TUSC3: variants seen among roughly 807,000 people sequenced by gnomAD.
TUSC3 encodes the protein dolichyl-diphosphooligosaccharide--protein glycosyltransferase subunit TUSC3.
In TUSC3, 45 loss-of-function variants were observed where a neutral mutation model predicts 44.8. The ratio of observed to expected loss-of-function variants is 1.00; its 90% confidence interval spans 0.79 to 1.29. The LOEUF (loss-of-function observed/expected upper bound fraction) is 1.29, where lower values mean the gene tolerates loss of function less well. Among genes scored for constraint, TUSC3 ranks in the 50% most tolerant of loss-of-function variants. The pLI, the probability that TUSC3 is intolerant of heterozygous loss-of-function variation, is 0.00. For missense variants in TUSC3, 519 were observed against 437.9 expected (o/e 1.19, Z -1.65); for synonymous variants, 212 against 152.9 (o/e 1.39, Z -2.85).
At chr8:15,615,819 A>C (rs911104676) in intron 1 of TUSC3, among the ~76,000 whole-genome samples, 3 of 152,314 alleles carry the variant, frequency 2.0e-5, no homozygotes, top group Admixed American at 6.5e-5. Flanking sequence ...AAATGAGTTA[A>C]ACCCATAAGT....
intron 1 of TUSC3, among the ~76,000 whole-genome samples, chr8:15,541,427 T>A (rs1801687852): frequency 6.6e-6 from 1 of 152,244 alleles, no homozygotes; most frequent in African/African-American, 2.4e-5. Context: ...TCTGCTTACA[T>A]AATTGAAGAT....
intron 1 of TUSC3, among the ~76,000 whole-genome samples, chr8:15,427,134 C>A (rs1215475784): frequency 6.7e-6 from 1 of 149,208 alleles, no homozygotes; most frequent in Non-Finnish European, 1.5e-5. Context: ...GAAATTAACC[C>A]CTTATGAGAT....
At chr8:15,833,867 T>A in the TUSC3 span, among the ~76,000 whole-genome samples, 2 of 151,954 alleles carry the variant, frequency 1.3e-5, no homozygotes, top group Non-Finnish European at 2.9e-5. Context: ...TGTTTTAAAG[T>A]GTGAGATATA....
intron 1 of TUSC3, among the ~76,000 whole-genome samples, chr8:15,424,888 A>AG (rs1799785035): frequency 6.6e-6 from 1 of 152,116 alleles, no homozygotes; most frequent in African/African-American, 2.4e-5. Flanking sequence ...CAAAAAAAAA[A>AG]AAAGAAAACT....
At chr8:15,459,902 A>G (rs890545509) in intron 1 of TUSC3, among the ~76,000 whole-genome samples, 5 of 151,906 alleles carry the variant, frequency 3.3e-5, no homozygotes, top group African/African-American at 9.7e-5. Context: ...ATACATACAT[A>G]CACACATACC....
the TUSC3 span, among the ~76,000 whole-genome samples, chr8:15,840,152 T>G: frequency 1.3e-5 from 2 of 151,900 alleles, no homozygotes; most frequent in African/African-American, 4.8e-5. Context: ...CCGCATACTC[T>G]CACTCATAGG....
chr8:15,523,882 C>A (rs1398751906), intron 2 of TUSC3, among the ~76,000 whole-genome samples: 2 of 150,922 alleles, frequency 1.3e-5, no homozygotes, highest in Non-Finnish European at 2.9e-5. Flanking sequence ...ATGGTGAAAC[C>A]CCGTGTCTAC....
chr8:15,695,543 C>T (rs911895196), intron 6 of TUSC3, among the ~76,000 whole-genome samples: 5 of 151,956 alleles, frequency 3.3e-5, no homozygotes, highest in Non-Finnish European at 7.4e-5. Context: ...TGGAGTGGGG[C>T]GATGCTGAAA....
intron 6 of TUSC3, among the ~76,000 whole-genome samples, chr8:15,711,035 C>G (rs923963339): frequency 1.5e-4 from 23 of 151,610 alleles, no homozygotes; most frequent in African/African-American, 5.1e-4. Flanking sequence ...AAATTAAGAA[C>G]TTCTCATCTA....
chr8:15,608,167 A>G (rs1804614316), intron 1 of TUSC3, among the ~76,000 whole-genome samples: 2 of 151,870 alleles, frequency 1.3e-5, no homozygotes, highest in Non-Finnish European at 2.9e-5. Context: ...ATTTTGATTC[A>G]CCTCTTGGCT....
chr8:15,839,715 A>C, the TUSC3 span, among the ~76,000 whole-genome samples: 5 of 152,224 alleles, frequency 3.3e-5, no homozygotes, highest in African/African-American at 1.2e-4. Flanking sequence ...ATCATTAAAA[A>C]GTCAGGAAAC....
the TUSC3 span, among the ~76,000 whole-genome samples, chr8:15,798,436 TAGAAAC>T: frequency 6.6e-6 from 1 of 152,106 alleles, no homozygotes; most frequent in Admixed American, 6.5e-5. Flanking sequence ...GATTCCACCT[TAGAAAC>T]AGACTCAACC....
chr8:15,569,172 A>G (rs1224611880), intron 1 of TUSC3, among the ~76,000 whole-genome samples: 1 of 152,156 alleles, frequency 6.6e-6, no homozygotes, highest in Non-Finnish European at 1.5e-5. Context: ...AATTGTTGAA[A>G]TGTTTTTGTC....
chr8:15,621,234 G>T (rs1352544193), intron 1 of TUSC3, among the ~76,000 whole-genome samples: 1 of 151,610 alleles, frequency 6.6e-6, no homozygotes, highest in Non-Finnish European at 1.5e-5. Context: ...TATATAGTAA[G>T]TTGGTTCATT....
chr8:15,443,336 TTGTG>T (rs57905950), intron 1 of TUSC3, among the ~76,000 whole-genome samples: 10,100 of 132,736 alleles, frequency 0.076, 413 homozygotes, highest in African/African-American at 0.13. Context: ...ACCCACCTAA[TTGTG>T]TGTGTGTGTG....
chr8:15,502,554 G>A (rs889989058), intron 2 of TUSC3, among the ~76,000 whole-genome samples: 33 of 152,146 alleles, frequency 2.2e-4, no homozygotes, highest in African/African-American at 5.1e-4. Context: ...GCAGTGGCGC[G>A]ATCTCCGCTC....
intron 5 of TUSC3, among the ~76,000 whole-genome samples, chr8:15,671,879 A>G (rs1480368286): frequency 6.6e-6 from 1 of 151,954 alleles, no homozygotes; most frequent in Non-Finnish European, 1.5e-5. Flanking sequence ...CTTATTCAGG[A>G]TTTCTAGCTG....
chr8:15,666,698 T>G (rs1481587424), intron 5 of TUSC3, among the ~76,000 whole-genome samples: 1 of 151,426 alleles, frequency 6.6e-6, no homozygotes, highest in Non-Finnish European at 1.5e-5. Flanking sequence ...TTTTTTCTCT[T>G]TAAAAATGAG....
the TUSC3 span, among the ~76,000 whole-genome samples, chr8:15,809,617 A>G: frequency 3.9e-5 from 6 of 152,210 alleles, no homozygotes; most frequent in East Asian, 5.8e-4. Flanking sequence ...AGCAGCAACA[A>G]TAATAAAACA....
Sources: allele counts gnomAD v4.1 joint callset (sites outside exome capture counted in the v4.1 genomes callset), GRCh38; gene constraint gnomAD v4.1.1; transcripts MANE v1.5; gene names NCBI Gene and HGNC (gene_info 2026-07-23, HGNC 2026-07-21).